CEP295: variants seen among roughly 807,000 people sequenced by gnomAD.
The protein encoded by CEP295 is centrosomal protein 295.
Under a neutral mutation model 291.6 loss-of-function variants are expected in CEP295, and 190 were observed. The ratio of observed to expected loss-of-function variants is 0.65; its 90% confidence interval spans 0.58 to 0.73. CEP295 has a LOEUF of 0.73. Among genes scored for constraint, CEP295 ranks in the 30% least tolerant of loss-of-function variants. CEP295 has a pLI of 0.00. For missense variants in CEP295, 2,863 were observed against 2,949.4 expected (o/e 0.97, Z 0.68); for synonymous variants, 993 against 1,038.8 (o/e 0.96, Z 0.85).
chr11:93,730,023 T>C, intron 28 of CEP295, 26 bp from the exon 29 acceptor site: 1 of 1,517,276 alleles, frequency 6.6e-7, no homozygotes, highest in Non-Finnish European at 8.8e-7. Flanking sequence ...AGTGTTTGTC[T>C]CTAATTCTAT....
intron 25 of CEP295, chr11:93,729,083 T>C (rs1259970949): frequency 1.2e-5 from 6 of 496,934 alleles, no homozygotes; most frequent in Non-Finnish European, 2.1e-5. Context: ...TAGTGCCAAG[T>C]TGGAAGTTTT....
chr11:93,684,854 G>C (rs1451951260), intron 9 of CEP295, among the ~76,000 whole-genome samples: 1 of 152,154 alleles, frequency 6.6e-6, no homozygotes. Flanking sequence ...GCACGACAAA[G>C]ATCAGCATAG....
Position 93,666,726 on chromosome 11 carries a change from A to T in CEP295, c.19A>T (p.Asn7Tyr), listed in dbSNP as rs777568570. MKRKVVNTHKLRLSPNE... is the reference protein window; with the variant it reads MKRKVVYTHKLRLSPNE... The stretch of plus-strand genomic sequence containing the variant: ...CACAGAAATGAAGAGAAAAGTCGTG[A>T]ATACTCACAAGCTGAGATTGAGTCC... The change falls in exon 2 of 30, where the codon AAT becomes TAT. Residue 7 changes from asparagine to tyrosine, a missense_variant. Physicochemically the swap from Asn to Tyr is moderately radical, Grantham distance 143. Transcript: ENST00000325212. 6.5e-7 allele frequency: 1 copy of T among 1,539,782 alleles called. No individual in the cohort carries two copies. Among genetic ancestry groups the T allele is most frequent in the South Asian group, 1.2e-5 (1 of 83,162 alleles).
At position 93,675,623 on chromosome 11, in the gene CEP295, A is replaced by G. The variant is rs577732884; in HGVS notation, c.581A>G (p.His194Arg). 1.8e-5 allele frequency: 27 copies of G among 1,512,702 alleles called. No individual in the cohort carries two copies. The highest frequency in any genetic ancestry group is 2.0e-5 in the Non-Finnish European group (23 of 1,133,110). 93.7% of individuals were successfully genotyped at this position (1,512,702 alleles called of 1,614,324 possible). The change falls in exon 6 of 30, where the codon CAT (histidine) becomes CGT (arginine). Residue 194 changes from histidine to arginine, a missense_variant. By Grantham distance (29) the His-to-Arg change is conservative. Around this residue, in one of 3 missense-constraint regions of CEP295, gnomAD observed 554 missense variants for 576.0 expected, o/e 0.96. Transcript: ENST00000325212. ...SAVKTNSSTY[H>R]HLHTFVNRET... ...GTCAAAACCAATAGTTCTACCTACC[A>G]TCATCTTCACACTTTTGTGAATAGA...
chr11:93,663,260 A>G (rs1201070574), intron 1 of CEP295, among the ~76,000 whole-genome samples: 1 of 152,178 alleles, frequency 6.6e-6, no homozygotes, highest in African/African-American at 2.4e-5. Context: ...CTTATACTGC[A>G]TGGCTGTCTA....
chr11:93,728,859 A>C, intron 25 of CEP295, 38 bp downstream of exon 25: 3 of 1,503,000 alleles, frequency 2.0e-6, no homozygotes, highest in Non-Finnish European at 2.7e-6. Flanking sequence ...TTCTATTACA[A>C]GCAAACCAGT....
Position 93,667,714 on chromosome 11 carries a change from A to G in CEP295, c.216A>G (p.Glu72=). 1 of 1,551,558 alleles carries G rather than the reference A, an allele frequency of 6.4e-7. No individual in the cohort carries two copies. Among genetic ancestry groups the G allele is most frequent in the Non-Finnish European group, 8.7e-7 (1 of 1,146,872 alleles). Residue 72 remains glutamate (E), a synonymous_variant, in exon 3 of 30, where the codon GAA becomes GAG. Transcript: ENST00000325212. ...RLAEELRAEW[E]ESQTQKIQNL... is the part of the protein sequence containing the mutation. ...CAGAGGAGCTAAGGGCAGAATGGGA[A>G]GAATCACAAACTCAGAAAATACAGA...
intron 15 of CEP295, 140 bp downstream of exon 15, chr11:93,700,326 T>C (rs1952071465): frequency 1.3e-6 from 1 of 797,838 alleles, no homozygotes; most frequent in Non-Finnish European, 1.9e-6. Context: ...CCCTAAATGA[T>C]GTGGAAGTTA....
intron 10 of CEP295, among the ~76,000 whole-genome samples, chr11:93,690,312 T>A (rs1476824254): frequency 6.6e-6 from 1 of 151,992 alleles, no homozygotes; most frequent in Non-Finnish European, 1.5e-5. Flanking sequence ...ATCCCAACAC[T>A]TTGGGAGGCC....
Position 93,706,740 on chromosome 11 carries a change from C to A in CEP295, c.5597-5C>A. 4 of 1,510,312 alleles carry A rather than the reference C, an allele frequency of 2.6e-6. No homozygotes were observed. Among genetic ancestry groups the A allele is most frequent in the South Asian group, 2.6e-5 (2 of 78,122 alleles). 93.6% of individuals were successfully genotyped at this position (1,510,312 alleles called of 1,614,324 possible). Reference sequence around the variant, plus strand: ...ATTGAAGTGGAAATATTTTTTCCCCCCCAGGTAAACCAGGTATTTATGAAG... The same window carrying A: ...ATTGAAGTGGAAATATTTTTTCCCCACCAGGTAAACCAGGTATTTATGAAG... On this transcript the variant is annotated splice_region_variant and splice_polypyrimidine_tract_variant and intron_variant, in intron 17 of 29. Transcript: ENST00000325212.
chr11:93,708,456 C>T (rs1256605542), intron 18 of CEP295, among the ~76,000 whole-genome samples: 3 of 152,160 alleles, frequency 2.0e-5, no homozygotes, highest in Admixed American at 2.0e-4. Flanking sequence ...CCTCCAGTTC[C>T]ATCCATGTTA....
chr11:93,670,225 G>C (rs1264503504), intron 5 of CEP295, among the ~76,000 whole-genome samples: 5 of 151,850 alleles, frequency 3.3e-5, no homozygotes, highest in African/African-American at 9.7e-5. Flanking sequence ...TATTTTAAAT[G>C]GTCAATATTT....
chr11:93,674,821 A>G (rs1385774939), intron 5 of CEP295, among the ~76,000 whole-genome samples: 1 of 152,258 alleles, frequency 6.6e-6, no homozygotes, highest in Non-Finnish European at 1.5e-5. Flanking sequence ...ACTTCTAGTT[A>G]GAACTGTTAC....
At position 93,696,364 on chromosome 11, in the gene CEP295, T is replaced by C. The variant is rs1180752902; in HGVS notation, c.1716T>C (p.Asp572=). The C allele has an allele frequency of 6.4e-7, 1 of 1,550,872 alleles. No individual in the cohort carries two copies. The highest frequency in any genetic ancestry group is 8.7e-7 in the Non-Finnish European group (1 of 1,146,474). ...PASCPVISDE[D]SHRQMIRNYQ... ...CATGCCCTGTAATTTCTGATGAAGA[T>C]AGTCATAGGCAGATGATTCGTAACT... Residue 572 remains aspartate (D), a synonymous_variant, in exon 14 of 30, where the codon GAT becomes GAC. Transcript: ENST00000325212.
chr11:93,668,682 C>G (rs953783894), intron 3 of CEP295, 126 bp from the exon 4 acceptor site: 2 of 676,626 alleles, frequency 3.0e-6, no homozygotes, highest in East Asian at 3.0e-5. Flanking sequence ...TTGTCATGCT[C>G]TGGGAAACAC....
In CEP295 at chr11:93,668,991, A is replaced by G. The variant is rs752612921; in HGVS notation, c.434+59A>G. The G allele has an allele frequency of 4.5e-4, 360 of 791,892 alleles. 2 individuals are homozygous for G. The highest frequency in any genetic ancestry group is 1.9e-3 in the Middle Eastern group (5 of 2,644). The allele number at this position is 791,892 out of a possible 1,614,324, so 49.1% of individuals were successfully genotyped here. ...AAACTAACATGGTTGAAAGTAGAGG[A>G]TACATAGGATACTGTGTAAGCAAAT... On this transcript the variant is annotated intron_variant, in intron 4 of 29. Coordinates refer to ENST00000325212, the MANE Select transcript of CEP295 (RefSeq NM_033395.2).
chr11:93,720,302 G>T (rs1184563365), intron 18 of CEP295, among the ~76,000 whole-genome samples: 1 of 151,404 alleles, frequency 6.6e-6, no homozygotes, highest in African/African-American at 2.4e-5. Flanking sequence ...GTGAAACTCC[G>T]TCTCTACTAA....
In CEP295 at chr11:93,698,263, AG is replaced by A; in HGVS notation, c.3352del (p.Ala1118LeufsTer17). On this transcript the variant is annotated frameshift_variant, in exon 15 of 30. Transcript: ENST00000325212. LOFTEE classifies it high-confidence loss of function. Reference sequence around the variant, plus strand: ...CAGTTGCTTCACAAGCTTCTGCTAAAGCTGAGCCTAGGAGAATTCAGGAGCT... The same window carrying A: ...CAGTTGCTTCACAAGCTTCTGCTAAACTGAGCCTAGGAGAATTCAGGAGCT... ...HSVASQASAK[A>X]EPRRIQELYL... 1 of 1,551,824 alleles carries A rather than the reference AG, an allele frequency of 6.4e-7. No homozygotes were observed.
intron 10 of CEP295, among the ~76,000 whole-genome samples, chr11:93,690,074 C>CA (rs1951441143): frequency 1.3e-5 from 2 of 151,864 alleles, no homozygotes; most frequent in East Asian, 1.9e-4. Flanking sequence ...TGTTGAAGTC[C>CA]AAAAAAGGGA....
Sources: allele counts gnomAD v4.1 joint callset (sites outside exome capture counted in the v4.1 genomes callset), GRCh38; gene constraint gnomAD v4.1.1; regional missense constraint gnomAD v4.1.1; transcripts MANE v1.5; gene names NCBI Gene and HGNC (gene_info 2026-07-23, HGNC 2026-07-21).